The following MYCBP2 variants were observed in gnomAD, a reference collection of about 807,000 sequenced individuals.
MYCBP2 encodes MYC binding protein 2.
Under a neutral mutation model 525.3 loss-of-function variants are expected in MYCBP2, and 120 were observed. That is an observed-to-expected ratio of 0.23 (90% CI 0.20 to 0.27). The LOEUF is 0.27. MYCBP2 is among the 10% of genes least tolerant of loss of function. The pLI, the probability that MYCBP2 is intolerant of heterozygous loss-of-function variation, is 1.00. For synonymous variants in MYCBP2, 1,894 were observed against 1,955.8 expected (o/e 0.97, Z 0.83); for missense variants, 4,149 against 5,657.1 (o/e 0.73, Z 8.55).
intron 15 of MYCBP2, among the ~76,000 whole-genome samples, chr13:77,249,746 T>C (rs2070792430): frequency 6.6e-6 from 1 of 152,126 alleles, no homozygotes; most frequent in Non-Finnish European, 1.5e-5. Context: ...AGAATAAATT[T>C]CAATTCCAAC....
intron 15 of MYCBP2, among the ~76,000 whole-genome samples, chr13:77,250,645 T>C (rs566787270): frequency 1.9e-4 from 29 of 152,340 alleles, no homozygotes; most frequent in Admixed American, 5.9e-4. Flanking sequence ...ATGTGGTCCA[T>C]TGAGAACAAG....
intron 55 of MYCBP2, among the ~76,000 whole-genome samples, chr13:77,105,298 C>G (rs1370841827): frequency 2.0e-5 from 3 of 151,930 alleles, no homozygotes; most frequent in African/African-American, 4.8e-5. Context: ...AGGACAAACT[C>G]CTGGAAAAAA....
intron 21 of MYCBP2, among the ~76,000 whole-genome samples, chr13:77,215,061 T>G (rs1306336089): frequency 6.6e-6 from 1 of 152,264 alleles, no homozygotes; most frequent in Middle Eastern, 3.4e-3. Context: ...AAGTATGGAA[T>G]GAAAGGTGTG....
At chr13:77,249,905 C>T (rs1456971854) in intron 15 of MYCBP2, among the ~76,000 whole-genome samples, 1 of 152,126 alleles carries the variant, frequency 6.6e-6, no homozygotes, top group Non-Finnish European at 1.5e-5. Context: ...ATTGCTTATA[C>T]TAATAATGTA....
intron 17 of MYCBP2, among the ~76,000 whole-genome samples, chr13:77,239,641 C>G (rs1163146474): frequency 6.6e-6 from 1 of 152,156 alleles, no homozygotes; most frequent in Non-Finnish European, 1.5e-5. Flanking sequence ...TATTAAAGCA[C>G]AGTTTACTGG....
At chr13:77,292,084 G>A (rs1038512055) in intron 2 of MYCBP2, among the ~76,000 whole-genome samples, 1 of 152,136 alleles carries the variant, frequency 6.6e-6, no homozygotes, top group African/African-American at 2.4e-5. Flanking sequence ...ATGTCTGTGT[G>A]ACCAAACCCA....
In MYCBP2 at chr13:77,106,724, TTTTTTTTCTTTCCAA is replaced by T. The variant is rs1390556695; in HGVS notation, c.8141-7726_8141-7712del. ...AATCTTTTTCTTCTCTTTAAGTTCC[TTTTTTTTCTTTCCAA>T]TTTTTTTCTTTCCAACTTTTATTTT... On this transcript the variant is annotated intron_variant, in intron 55 of 82. Coordinates refer to ENST00000544440, the MANE Select transcript of MYCBP2 (RefSeq NM_015057.5). Among the ~76,000 whole-genome samples the T allele has an allele frequency of 5.1e-4, 78 of 152,058 alleles. No homozygotes were observed. In the South Asian group the frequency reaches 0.011, roughly 22 times the overall value.
chr13:77,167,172 T>C (rs1451214676), intron 40 of MYCBP2, among the ~76,000 whole-genome samples: 2 of 152,268 alleles, frequency 1.3e-5, no homozygotes, highest in East Asian at 3.9e-4. Context: ...AGGTATTTTA[T>C]CTTTAAAAAA....
intron 36 of MYCBP2, among the ~76,000 whole-genome samples, chr13:77,174,926 TATATAA>T (rs2059520492): frequency 2.1e-5 from 1 of 48,250 alleles, no homozygotes; most frequent in Non-Finnish European, 4.9e-5. Context: ...ATATTATATA[TATATAA>T]TATATATATA....
rs539544669 is a variant in MYCBP2 at position 77,108,626 on chromosome 13, A to G, written c.8141-9613T>C. Among the ~76,000 whole-genome samples the G allele has an allele frequency of 2.4e-4, 37 of 152,326 alleles. No individual in the cohort carries two copies. The South Asian group carries it at 7.7e-3, about 32-fold the overall frequency. ...CTGCCTCCAGAAGTGACATCCTGAG[A>G]AAGAGACAACGCTTACGCAGCACAA... is the stretch of plus-strand genomic sequence containing the variant. On this transcript the variant is annotated intron_variant, in intron 55 of 82. Transcript: ENST00000544440.
intron 47 of MYCBP2, 64 bp from the exon 48 acceptor site, chr13:77,146,281 G>T: frequency 9.0e-7 from 1 of 1,116,682 alleles, no homozygotes. Context: ...AATTAACAGA[G>T]TAATATATTA....
intron 8 of MYCBP2, among the ~76,000 whole-genome samples, chr13:77,264,526 T>C (rs546242762): frequency 6.6e-6 from 1 of 152,272 alleles, no homozygotes; most frequent in East Asian, 1.9e-4. Flanking sequence ...ATTCACAGCA[T>C]TTTTAGCATT....
intron 21 of MYCBP2, among the ~76,000 whole-genome samples, chr13:77,216,500 A>G (rs2064844345): frequency 6.6e-6 from 1 of 152,162 alleles, no homozygotes; most frequent in African/African-American, 2.4e-5. Flanking sequence ...ACATTTGATC[A>G]GGTGATCAAA....
intron 55 of MYCBP2, among the ~76,000 whole-genome samples, chr13:77,106,529 T>C (rs542466103): frequency 5.1e-4 from 78 of 152,194 alleles, no homozygotes; most frequent in Admixed American, 1.2e-3. Flanking sequence ...GGTGAGATAA[T>C]ACAGATAAAA....
Position 77,176,574 on chromosome 13 carries a change from C to G in MYCBP2, c.5395G>C (p.Val1799Leu). 4 of 1,598,840 alleles carry G rather than the reference C, an allele frequency of 2.5e-6. No individual in the cohort carries two copies. The highest frequency in any genetic ancestry group is 3.4e-6 in the Non-Finnish European group (4 of 1,170,144). ...TCATCCGTTGTGTACGTTCCTTTCA[C>G]TAATTCCAGAGATGTCCATCTGTGG... ...HSHRWTSLEL[V>L]KGTYTTDDSP... The change falls in exon 36 of 83, where the codon GTG (valine) becomes CTG (leucine). Residue 1799 changes from valine to leucine, a missense_variant. By Grantham distance (32) the Val-to-Leu change is conservative. This residue lies in a region of MYCBP2 where 109 missense variants were observed against 118.9 expected (regional missense o/e 0.92). Coordinates refer to ENST00000544440, the MANE Select transcript of MYCBP2 (RefSeq NM_015057.5).
chr13:77,227,398 T>C (rs1054883673), intron 18 of MYCBP2, among the ~76,000 whole-genome samples: 3 of 120,872 alleles, frequency 2.5e-5, no homozygotes, highest in Non-Finnish European at 3.5e-5. Context: ...CAAAATAAAA[T>C]ATACTCAGTT....
intron 52 of MYCBP2, among the ~76,000 whole-genome samples, chr13:77,132,067 A>ATATATATAT (rs2052977395): frequency 1.3e-5 from 2 of 152,212 alleles, no homozygotes; most frequent in Non-Finnish European, 2.9e-5. Context: ...TTACAATCTT[A>ATATATATAT]ATTTAACTGT....
At chr13:77,134,412 T>C (rs2154176292) in intron 52 of MYCBP2, among the ~76,000 whole-genome samples, 1 of 152,166 alleles carries the variant, frequency 6.6e-6, no homozygotes, top group South Asian at 2.1e-4. Flanking sequence ...TGTATGCCTG[T>C]AATACCAGCT....
intron 2 of MYCBP2, among the ~76,000 whole-genome samples, chr13:77,293,100 T>C (rs1024104518): frequency 2.0e-5 from 3 of 152,190 alleles, no homozygotes; most frequent in African/African-American, 7.2e-5. Context: ...CAAATCTCTA[T>C]GTCAGGCTCA....
Sources: allele counts gnomAD v4.1 joint callset (sites outside exome capture counted in the v4.1 genomes callset), GRCh38; gene constraint gnomAD v4.1.1; regional missense constraint gnomAD v4.1.1; transcripts MANE v1.5; gene names NCBI Gene and HGNC (gene_info 2026-07-23, HGNC 2026-07-21).